Variants in RPL3L observed in about 807,000 individuals in gnomAD.
The protein encoded by RPL3L is ribosomal protein L3 like.
In RPL3L, 44 loss-of-function variants were observed where a neutral mutation model predicts 44.5. That is an observed-to-expected ratio of 0.99 (90% CI 0.78 to 1.27). RPL3L has a LOEUF of 1.27. Among genes scored for constraint, RPL3L ranks in the 50% most tolerant of loss-of-function variants. RPL3L has a pLI of 0.00. For missense variants in RPL3L, 631 were observed against 569.1 expected, an observed-to-expected ratio of 1.11 and a Z score of -1.11; for synonymous variants, 292 against 230.7, an observed-to-expected ratio of 1.27 and a Z score of -2.41.
intron 4 of RPL3L, 36 bp from the exon 5 acceptor site, chr16:1,947,416 C>T (rs771863929): frequency 1.8e-4 from 273 of 1,496,202 alleles, no homozygotes; most frequent in Middle Eastern, 8.8e-4. Flanking sequence ...CCACGGCCCA[C>T]GGGATCACAC....
chr16:1,952,517 G>A (rs2083177413), intron 3 of RPL3L, among the ~76,000 whole-genome samples: 1 of 151,856 alleles, frequency 6.6e-6, no homozygotes, highest in Admixed American at 6.6e-5. Flanking sequence ...CTGGACTACA[G>A]GTGCGCACCA....
At chr16:1,945,370 TAAAA>T in intron 9 of RPL3L, 125 bp downstream of exon 9, 1 of 735,002 alleles carries the variant, frequency 1.4e-6, no homozygotes, top group South Asian at 2.4e-5. Flanking sequence ...ATAAAATAAA[TAAAA>T]AAAAAAGAGT....
At chr16:1,954,517 CCT>C in intron 1 of RPL3L, 110 bp downstream of exon 1, 1 of 1,211,082 alleles carries the variant, frequency 8.3e-7, no homozygotes, top group Non-Finnish European at 1.1e-6. Context: ...CCTCCCATCC[CCT>C]CACAGGCTGG....
Position 1,943,997 on chromosome 16 carries a change from C to T in RPL3L, c.*840G>A, listed in dbSNP as rs1312234955. 2 of 152,056 alleles carry T rather than the reference C, an allele frequency of 1.3e-5. No individual in the cohort carries two copies. Among genetic ancestry groups the T allele is most frequent in the Admixed American group, 6.6e-5 (1 of 15,244 alleles). 9.4% of individuals were successfully genotyped at this position (152,056 alleles called of 1,614,324 possible). On this transcript the variant is annotated 3_prime_UTR_variant, in exon 10 of 10. Coordinates refer to ENST00000268661, the MANE Select transcript of RPL3L (RefSeq NM_005061.3). ...GCTAATTTTGTATTTTTAATAGAGA[C>T]GAGGTTTCTCGATGTTGGCCAGGCT...
intron 9 of RPL3L, among the ~76,000 whole-genome samples, 177 bp from the exon 10 acceptor site, chr16:1,945,070 T>C (rs1288948869): frequency 6.6e-6 from 1 of 151,896 alleles, no homozygotes; most frequent in African/African-American, 2.4e-5. Flanking sequence ...GAGTCTCTCC[T>C]GCAGGCCGGG....
Position 1,945,505 on chromosome 16 carries a change from G to A in RPL3L, c.1161C>T (p.Ala387=), listed in dbSNP as rs1425617159. 13 of 1,611,790 alleles carry A rather than the reference G, an allele frequency of 8.1e-6. No individual in the cohort carries two copies. Among genetic ancestry groups the A allele is most frequent in the Non-Finnish European group, 1.0e-5 (12 of 1,179,138 alleles). Residue 387 remains alanine, a synonymous_variant, in exon 9 of 10, where the codon GCC becomes GCT. Transcript: ENST00000268661. ...ATGGGGGCGGTGAGCTCACCATGAA[G>A]GCCCTCTTCTCTTGGGCTGTCTGGA... ...GRFQTAQEKR[A]FMGPQKKHLE...
At chr16:1,951,769 A>ATTATTC (rs1423322118) in intron 3 of RPL3L, among the ~76,000 whole-genome samples, 4 of 138,882 alleles carry the variant, frequency 2.9e-5, no homozygotes, top group African/African-American at 5.4e-5. Context: ...TATTATTATT[A>ATTATTC]TTCCCATTCT....
In RPL3L at chr16:1,952,926, T is replaced by C. The variant is rs753372155; in HGVS notation, c.313A>G (p.Ile105Val). 4 of 1,613,836 alleles carry C rather than the reference T, an allele frequency of 2.5e-6. No homozygotes were observed. Among genetic ancestry groups the C allele is most frequent in the East Asian group, 2.2e-5 (1 of 44,872 alleles). ...TPRGLRSFKT[I>V]FAEHLSDECR... is the part of the protein sequence containing the mutation. Reference sequence around the variant, plus strand: ...TCATCACTGAGGTGTTCTGCAAAGATGGTCTTGAAGCTCCGGAGACCTCGA... The same window carrying C: ...TCATCACTGAGGTGTTCTGCAAAGACGGTCTTGAAGCTCCGGAGACCTCGA... Residue 105 changes from isoleucine (I) to valine (V), a missense_variant, in exon 3 of 10, where the codon ATC becomes GTC. By Grantham distance (29) the Ile-to-Val change is conservative. Coordinates refer to ENST00000268661, the MANE Select transcript of RPL3L (RefSeq NM_005061.3).
At chr16:1,950,641 G>T (rs2083165460) in intron 4 of RPL3L, among the ~76,000 whole-genome samples, 1 of 152,164 alleles carries the variant, frequency 6.6e-6, no homozygotes, top group Non-Finnish European at 1.5e-5. Context: ...CGTGGCTGAT[G>T]CCCCTGGCAC....
In RPL3L at chr16:1,954,593, C is replaced by G. The variant is rs779192672; in HGVS notation, c.3+36G>C. On this transcript the variant is annotated intron_variant, in intron 1 of 9. Coordinates refer to ENST00000268661, the MANE Select transcript of RPL3L (RefSeq NM_005061.3). ...GTCCCACCCCCCCAGAGTTCCAGCT[C>G]CAACCCCAGCCCACCCTCACCCTGG... The G allele has an allele frequency of 6.5e-6, 10 of 1,540,560 alleles. No homozygotes were observed. The African/African-American group carries it at 1.1e-4, about 17-fold the overall frequency.
rs768141508 is a variant in RPL3L, at chr16:1,953,025, C to T, written c.214G>A (p.Glu72Lys). 2 of 1,599,754 alleles carry T rather than the reference C, an allele frequency of 1.3e-6. No individual in the cohort carries two copies. Among genetic ancestry groups the T allele is most frequent in the Non-Finnish European group, 1.7e-6 (2 of 1,172,692 alleles). The change falls in exon 3 of 10, where the codon GAG (glutamate) becomes AAG (lysine). Residue 72 changes from glutamate to lysine, a missense_variant. By Grantham distance (56) the Glu-to-Lys change is moderately conservative. Transcript: ENST00000268661. ...RPGLKISKRE[E>K]VEAVTIVETP... ...TCTACAATTGTCACCGCCTCCACCTCCTCCCGTTTGGAAATTTCTGGATGA... is the reference window on the plus strand; with the variant it reads ...TCTACAATTGTCACCGCCTCCACCTTCTCCCGTTTGGAAATTTCTGGATGA...
rs745568614 is a variant in RPL3L at position 1,945,534 on chromosome 16, G to T, written c.1132C>A (p.Arg378Ser). The change falls in exon 9 of 10, where the codon CGC (arginine) becomes AGC (serine). Residue 378 changes from arginine to serine, a missense_variant. Coordinates refer to ENST00000268661, the MANE Select transcript of RPL3L (RefSeq NM_005061.3). Reference sequence around the variant, plus strand: ...CTCTTCTCTTGGGCTGTCTGGAAGCGGCCATGGCCGAACTTGGAGGTGGTG... The same window carrying T: ...CTCTTCTCTTGGGCTGTCTGGAAGCTGCCATGGCCGAACTTGGAGGTGGTG... ...IDTTSKFGHG[R>S]FQTAQEKRAF... 2 of 1,613,460 alleles carry T rather than the reference G, an allele frequency of 1.2e-6. No individual in the cohort carries two copies. Among genetic ancestry groups the T allele is most frequent in the Admixed American group, 3.3e-5 (2 of 59,964 alleles).
At chr16:1,951,531 C>A (rs988079440) in intron 3 of RPL3L, among the ~76,000 whole-genome samples, 3 of 152,124 alleles carry the variant, frequency 2.0e-5, no homozygotes, top group Non-Finnish European at 4.4e-5. Flanking sequence ...CAGGCATGCG[C>A]CACCGTGCCC....
intron 7 of RPL3L, 80 bp from the exon 8 acceptor site, chr16:1,946,010 C>T: frequency 8.1e-7 from 1 of 1,242,208 alleles, no homozygotes; most frequent in Non-Finnish European, 1.1e-6. Context: ...AGCAGAACCC[C>T]CAGAGGGGGC....
chr16:1,950,840 T>TGACCTGAGTGTGGACAATGACCC lies in RPL3L; in HGVS notation c.482_501+3dup. The TGACCTGAGTGTGGACAATGACCC allele has an allele frequency of 6.2e-7, 1 of 1,614,074 alleles. No homozygotes were observed. The highest frequency in any genetic ancestry group is 1.3e-5 in the African/African-American group (1 of 75,032). On this transcript the variant is annotated splice_donor_region_variant and intron_variant, in intron 4 of 9. Coordinates refer to ENST00000268661, the MANE Select transcript of RPL3L (RefSeq NM_005061.3). Reference sequence around the variant, plus strand: ...TGACCGACAGCGGAGGGCCGGGGGCTGACCTGAGTGTGGACAATGACCCGA... The same window carrying TGACCTGAGTGTGGACAATGACCC: ...TGACCGACAGCGGAGGGCCGGGGGCTGACCTGAGTGTGGACAATGACCCGACCTGAGTGTGGACAATGACCCGA...
rs77928371 is a variant in RPL3L, at chr16:1,954,320, C to T, written c.4-172G>A. Reference sequence around the variant, plus strand: ...GAGAGGAAGGTTCACCAAGGGGCAGCGTCTTTGGGATGGGGTCTCCATAGC... The same window carrying T: ...GAGAGGAAGGTTCACCAAGGGGCAGTGTCTTTGGGATGGGGTCTCCATAGC... On this transcript the variant is annotated intron_variant, in intron 1 of 9. Coordinates refer to ENST00000268661, the MANE Select transcript of RPL3L (RefSeq NM_005061.3). Among the ~76,000 whole-genome samples, 317 of 152,234 alleles carry T rather than the reference C, an allele frequency of 2.1e-3. 3 individuals carry two copies. The highest frequency in any genetic ancestry group is 7.2e-3 in the African/African-American group (301 of 41,550).
chr16:1,945,077 C>T (rs983235741), intron 9 of RPL3L, among the ~76,000 whole-genome samples, 184 bp from the exon 10 acceptor site: 2 of 151,734 alleles, frequency 1.3e-5, no homozygotes, highest in Non-Finnish European at 2.9e-5. Context: ...TCCTGCAGGC[C>T]GGGCACGGTG....
intron 9 of RPL3L, 105 bp downstream of exon 9, chr16:1,945,394 A>T: frequency 8.4e-7 from 1 of 1,187,368 alleles, no homozygotes; most frequent in East Asian, 2.9e-5. Flanking sequence ...TCTCTCCTGC[A>T]GTTGAGCTCA....
At chr16:1,953,588 G>A (rs2083186278) in intron 2 of RPL3L, among the ~76,000 whole-genome samples, 2 of 152,282 alleles carry the variant, frequency 1.3e-5, no homozygotes, top group African/African-American at 2.4e-5. Context: ...ATACATAGGC[G>A]TACATATGAA....
Sources: gnomAD v4.1 joint callset for allele counts (sites outside exome capture counted in the v4.1 genomes callset) on GRCh38, gnomAD v4.1.1 for gene constraint, MANE v1.5 for transcripts, NCBI Gene and HGNC (gene_info 2026-07-23, HGNC 2026-07-21) for gene names.